Variants in RFX4 observed in about 807,000 individuals in gnomAD.
RFX4 encodes the protein regulatory factor X4, also known as transcription factor RFX4.
In RFX4, 10 loss-of-function variants were observed where a neutral mutation model predicts 95.0. That is an observed-to-expected ratio of 0.11 (90% CI 0.06 to 0.18). The LOEUF (loss-of-function observed/expected upper bound fraction) is 0.18, where lower values mean the gene tolerates loss of function less well. Ranked by LOEUF, RFX4 falls within the 10% of genes least tolerant of loss-of-function variation. RFX4 has a pLI of 1.00. For synonymous variants in RFX4, 321 were observed against 340.7 expected (o/e 0.94, Z 0.64); for missense variants, 640 against 922.0 (o/e 0.69, Z 3.96).
intron 4 of RFX4, among the ~76,000 whole-genome samples, chr12:106,675,634 A>G (rs1450165936): frequency 6.6e-6 from 1 of 152,164 alleles, no homozygotes; most frequent in East Asian, 1.9e-4. Flanking sequence ...CTTTAATTTT[A>G]AAAAAAGATT....
rs755757035 is a variant in RFX4, at chr12:106,696,369, C to T, written c.756C>T (p.Val252=). ...VLGSSTVVNI[V]GVCDSILYKA... ...GCTCCTCCACGGTGGTGAACATTGT[C>T]GGCGTGTGTGACTCCATCCTCTACA... is the stretch of plus-strand genomic sequence containing the variant. Residue 252 remains valine (V), a synonymous_variant, in exon 8 of 18, where the codon GTC becomes GTT. Coordinates refer to ENST00000392842, the MANE Select transcript of RFX4 (RefSeq NM_213594.3). 57 of 1,614,108 alleles carry T rather than the reference C, an allele frequency of 3.5e-5. 1 individual carries two copies. Among genetic ancestry groups the T allele is most frequent in the South Asian group, 3.1e-4 (28 of 91,062 alleles).
intron 1 of RFX4, among the ~76,000 whole-genome samples, chr12:106,603,881 A>C (rs1363146141): frequency 6.6e-6 from 1 of 152,168 alleles, no homozygotes; most frequent in South Asian, 2.1e-4. Context: ...AATGGCTTCT[A>C]TGGTACCTGC....
In RFX4 at chr12:106,689,354, A is replaced by C. The variant is rs368504143; in HGVS notation, c.659A>C (p.Asn220Thr). 2.5e-5 allele frequency: 41 copies of C among 1,612,888 alleles called. No homozygotes were observed. In the African/African-American group the frequency reaches 3.9e-4, roughly 15 times the overall value. The change falls in exon 7 of 18, where the codon AAC (asparagine) becomes ACC (threonine). Residue 220 changes from asparagine (N) to threonine (T), a missense_variant. Physicochemically the swap from Asn to Thr is moderately conservative, Grantham distance 65. Around this residue, in one of 7 missense-constraint regions of RFX4, gnomAD observed 96 missense variants for 183.7 expected, o/e 0.52. Transcript: ENST00000392842. Reference protein sequence around the residue: ...QRILDTVIRANFDEVQSFLLH... With the variant: ...QRILDTVIRATFDEVQSFLLH... ...ATACTGGACACTGTAATAAGAGCCA[A>C]CTTTGATGAGGTAGGTCAACAAGGG...
At chr12:106,686,216 A>G (rs11113084) in intron 5 of RFX4, among the ~76,000 whole-genome samples, 54,896 of 151,938 alleles carry the variant, frequency 0.36, 10,032 homozygotes, top group African/African-American at 0.42. Context: ...TTTGAGACCA[A>G]CCTGACCAAC....
intron 16 of RFX4, among the ~76,000 whole-genome samples, chr12:106,749,014 G>C (rs994523156): frequency 6.6e-6 from 1 of 151,760 alleles, no homozygotes; most frequent in African/African-American, 2.4e-5. Context: ...GAACCCAGGA[G>C]GTGGAGGCTG....
At position 106,679,363 on chromosome 12, in the gene RFX4, G is replaced by A. The variant is rs1422056192; in HGVS notation, c.316-2630G>A. 2.6e-5 allele frequency among the ~76,000 whole-genome samples: 4 copies of A among 152,064 alleles called. No individual in the cohort carries two copies. The South Asian group carries it at 6.2e-4, about 24-fold the overall frequency. ...CCAGCTACTTGGTAGGCTGAGGCAG[G>A]AGAATCACTTGAACCCAGGAGGTGG... On this transcript the variant is annotated intron_variant, in intron 4 of 17. Transcript: ENST00000392842.
intron 2 of RFX4, among the ~76,000 whole-genome samples, chr12:106,611,201 C>G (rs996863434): frequency 6.6e-6 from 1 of 152,160 alleles, no homozygotes; most frequent in African/African-American, 2.4e-5. Flanking sequence ...TTCACATATT[C>G]TGGATCTTAA....
intron 15 of RFX4, 167 bp downstream of exon 15, chr12:106,733,252 C>A (rs2042647427): frequency 7.4e-6 from 5 of 671,924 alleles, no homozygotes; most frequent in Non-Finnish European, 1.0e-5. Context: ...GGGAGAATTG[C>A]TTGAGCCCAG....
chr12:106,702,915 C>T (rs1241703163), intron 8 of RFX4, among the ~76,000 whole-genome samples: 2 of 152,196 alleles, frequency 1.3e-5, no homozygotes, highest in Admixed American at 1.3e-4. Context: ...AAGGCTTCTT[C>T]TGTCCTCCTG....
At chr12:106,639,099 C>T (rs1317224660) in intron 2 of RFX4, among the ~76,000 whole-genome samples, 1 of 152,150 alleles carries the variant, frequency 6.6e-6, no homozygotes, top group Non-Finnish European at 1.5e-5. Context: ...AACTCTAACA[C>T]ATTGTGTCAA....
At chr12:106,705,418 T>C (rs2042065141) in intron 8 of RFX4, among the ~76,000 whole-genome samples, 1 of 152,102 alleles carries the variant, frequency 6.6e-6, no homozygotes, top group Admixed American at 6.5e-5. Context: ...GACCCTGGCA[T>C]CCCAGCCTAG....
At chr12:106,657,853 G>A (rs924936379) in intron 4 of RFX4, among the ~76,000 whole-genome samples, 2 of 151,828 alleles carry the variant, frequency 1.3e-5, no homozygotes, top group African/African-American at 4.8e-5. Context: ...CATTTATCAT[G>A]ACTTGAAATA....
At chr12:106,760,327 G>C (rs948215008) in intron 17 of RFX4, among the ~76,000 whole-genome samples, 1 of 152,068 alleles carries the variant, frequency 6.6e-6, no homozygotes, top group Non-Finnish European at 1.5e-5. Flanking sequence ...TCCTACTAAC[G>C]GGCTTATTTG....
intron 1 of RFX4, among the ~76,000 whole-genome samples, chr12:106,606,123 A>G (rs1422093567): frequency 1.3e-5 from 2 of 152,172 alleles, no homozygotes; most frequent in South Asian, 2.1e-4. Context: ...AGAATGTCCC[A>G]TCAATCACAG....
intron 2 of RFX4, among the ~76,000 whole-genome samples, chr12:106,624,730 A>C (rs977512647): frequency 6.6e-6 from 1 of 152,202 alleles, no homozygotes; most frequent in South Asian, 2.1e-4. Flanking sequence ...AATATTTACT[A>C]TCTGGCTCTA....
chr12:106,663,589 T>C (rs1407056164), intron 4 of RFX4, among the ~76,000 whole-genome samples: 1 of 151,940 alleles, frequency 6.6e-6, no homozygotes, highest in African/African-American at 2.4e-5. Flanking sequence ...AGTATGATGT[T>C]GAAAAGGAGT....
chr12:106,748,412 AG>A (rs2042935002), intron 16 of RFX4, among the ~76,000 whole-genome samples: 2 of 152,326 alleles, frequency 1.3e-5, no homozygotes, highest in South Asian at 4.1e-4. Context: ...CATGAGGTTC[AG>A]GGGATTTCCC....
intron 15 of RFX4, among the ~76,000 whole-genome samples, chr12:106,742,260 C>T (rs1287751440): frequency 6.6e-6 from 1 of 152,152 alleles, no homozygotes; most frequent in African/African-American, 2.4e-5. Context: ...GAGCACAGCT[C>T]ACTGCAGCCT....
At chr12:106,598,858 A>T (rs2039658205) in intron 1 of RFX4, among the ~76,000 whole-genome samples, 1 of 152,212 alleles carries the variant, frequency 6.6e-6, no homozygotes, top group African/African-American at 2.4e-5. Flanking sequence ...TTTTAATAAT[A>T]TTGTTATAGT....
Sources: gnomAD v4.1 joint callset for allele counts (sites outside exome capture counted in the v4.1 genomes callset) on GRCh38, gnomAD v4.1.1 for gene constraint, gnomAD v4.1.1 regional missense constraint, MANE v1.5 for transcripts, NCBI Gene and HGNC (gene_info 2026-07-23, HGNC 2026-07-21) for gene names.